Variants in CEP57L1 observed in about 807,000 individuals in gnomAD.
CEP57L1 encodes centrosomal protein CEP57L1.
Under a neutral mutation model 61.0 loss-of-function variants are expected in CEP57L1, and 37 were observed. The ratio of observed to expected loss-of-function variants is 0.61; its 90% CI spans 0.47 to 0.80. The LOEUF (loss-of-function observed/expected upper bound fraction) is 0.80, where lower values mean the gene tolerates loss of function less well. Among genes scored for constraint, CEP57L1 ranks in the 30% least tolerant of loss-of-function variants. The probability of loss-of-function intolerance (pLI) is 0.00; values close to 1 mark genes in which losing one functional copy is unlikely to be tolerated. For synonymous variants in CEP57L1, 137 were observed against 162.3 expected, an observed-to-expected ratio of 0.84 and a Z score of 1.19; for missense variants, 422 against 524.7, an observed-to-expected ratio of 0.80 and a Z score of 1.91.
At chr6:109,140,997 A>AT (rs1771307178) in intron 1 of CEP57L1, among the ~76,000 whole-genome samples, 1 of 150,550 alleles carries the variant, frequency 6.6e-6, no homozygotes, top group African/African-American at 2.4e-5. Flanking sequence ...CACCCGGCTA[A>AT]TTTTTTGTGT....
chr6:109,105,797 G>A (rs1770864896), intron 1 of CEP57L1, among the ~76,000 whole-genome samples: 1 of 152,136 alleles, frequency 6.6e-6, no homozygotes. Flanking sequence ...GGCCTGTTAA[G>A]AACGAGACCA....
In CEP57L1 at chr6:109,173,252, T is replaced by A. The variant is rs1490151620; in HGVS notation, c.*10282T>A. On this transcript the variant is annotated 3_prime_UTR_variant, in exon 11 of 11. Coordinates refer to ENST00000517392, the MANE Select transcript of CEP57L1 (RefSeq NM_001271852.3). ...GACACTGTATTACTTACAAGTTATA[T>A]TAATAATTTTTATTAATTTTTTTCC... 6.6e-6 allele frequency among the ~76,000 whole-genome samples: 1 copy of A among 152,122 alleles called. No homozygotes were observed. The highest frequency in any genetic ancestry group is 1.9e-4 in the East Asian group (1 of 5,198).
intron 1 of CEP57L1, among the ~76,000 whole-genome samples, chr6:109,130,325 CAT>C (rs1312750936): frequency 3.3e-5 from 5 of 152,064 alleles, no homozygotes; most frequent in African/African-American, 1.2e-4. Flanking sequence ...AGACAAACAT[CAT>C]ATGTTTGTCT....
At chr6:109,104,857 G>A (rs576303368) in intron 1 of CEP57L1, among the ~76,000 whole-genome samples, 2 of 152,256 alleles carry the variant, frequency 1.3e-5, no homozygotes, top group Admixed American at 6.5e-5. Flanking sequence ...AAAGTGCTAG[G>A]ATTACAGACA....
At chr6:109,146,690 T>C (rs957386716) in intron 2 of CEP57L1, 68 bp from the exon 3 acceptor site, 2 of 1,055,750 alleles carry the variant, frequency 1.9e-6, no homozygotes, top group African/African-American at 1.7e-5. Flanking sequence ...TTATTTTTCT[T>C]ATGTTACTTT....
rs1562139917 is a variant in CEP57L1, at chr6:109,155,804, TTGAAA to T, written c.673_677del (p.Glu225GlnfsTer2). The T allele has an allele frequency of 1.3e-6, 2 of 1,552,530 alleles. No homozygotes were observed. Among genetic ancestry groups the T allele is most frequent in the Non-Finnish European group, 1.8e-6 (2 of 1,130,772 alleles). On this transcript the variant is annotated frameshift_variant, in exon 7 of 11. Coordinates refer to ENST00000517392, the MANE Select transcript of CEP57L1 (RefSeq NM_001271852.3). LOFTEE classifies it high-confidence loss of function. ...TAAATATTACAGCTTCAAACTGGACTTGAAATCAGTAAAATTATAATGTCTTCAGT... is the reference window on the plus strand; with the variant it reads ...TAAATATTACAGCTTCAAACTGGACTTCAGTAAAATTATAATGTCTTCAGT...
rs1325690199 is a variant in CEP57L1 at position 109,170,951 on chromosome 6, TA to T, written c.*7987del. ...AAAGATATCTGCTTTTACTTTAATC[TA>T]AAAAATAATTGATTTTTTAAAAAAC... On this transcript the variant is annotated 3_prime_UTR_variant, in exon 11 of 11. Coordinates refer to ENST00000517392, the MANE Select transcript of CEP57L1 (RefSeq NM_001271852.3). Among the ~76,000 whole-genome samples the T allele has an allele frequency of 6.6e-6, 1 of 152,212 alleles. No individual in the cohort carries two copies. The highest frequency in any genetic ancestry group is 2.4e-5 in the African/African-American group (1 of 41,464).
intron 1 of CEP57L1, among the ~76,000 whole-genome samples, chr6:109,130,563 CT>C (rs1449342208): frequency 6.7e-6 from 1 of 148,368 alleles, no homozygotes; most frequent in African/African-American, 2.5e-5. Flanking sequence ...TGAGACCCTG[CT>C]TTCGGTTCTT....
At chr6:109,112,423 T>C (rs1771767185) in intron 1 of CEP57L1, among the ~76,000 whole-genome samples, 1 of 152,168 alleles carries the variant, frequency 6.6e-6, no homozygotes, top group African/African-American at 2.4e-5. Context: ...TTTTCTCCTT[T>C]ATTCGTGTAT....
chr6:109,163,314 C>G lies in CEP57L1; in HGVS notation c.*344C>G, dbSNP rs1353440417. The G allele has an allele frequency of 5.8e-6, 1 of 172,168 alleles. No homozygotes were observed. The highest frequency in any genetic ancestry group is 1.2e-5 in the Non-Finnish European group (1 of 80,984). The allele number at this position is 172,168 out of a possible 1,614,324, so 10.7% of individuals were successfully genotyped here. ...CAAGCTACAAGTACCATTCATTCCA[C>G]TTTTCATTTAGTAGGTTTGGAACCT... On this transcript the variant is annotated 3_prime_UTR_variant, in exon 11 of 11. Coordinates refer to ENST00000517392, the MANE Select transcript of CEP57L1 (RefSeq NM_001271852.3).
intron 1 of CEP57L1, among the ~76,000 whole-genome samples, chr6:109,117,358 G>C (rs1044582572): frequency 1.3e-5 from 2 of 152,112 alleles, no homozygotes; most frequent in Non-Finnish European, 2.9e-5. Context: ...TCTTTTGATG[G>C]TCTGTAATGT....
chr6:109,155,344 A>T, intron 6 of CEP57L1, 37 bp downstream of exon 6: 1 of 1,089,206 alleles, frequency 9.2e-7, no homozygotes, highest in Non-Finnish European at 1.3e-6. Flanking sequence ...ACAGTAAACC[A>T]TATATGTTTT....
At position 109,095,536 on chromosome 6, in the gene CEP57L1, C is replaced by T. The variant is rs918426922; in HGVS notation, c.-43C>T. 2.0e-6 allele frequency: 2 copies of T among 985,722 alleles called. No individual in the cohort carries two copies. The highest frequency in any genetic ancestry group is 1.1e-4 in the East Asian group (1 of 8,816). The allele number at this position is 985,722 out of a possible 1,614,324, so 61.1% of individuals were successfully genotyped here. ...TTGCCTGTGGGTGCCCGCGAACCAACGGTTAGCGGTGGCAGGGGCTGACTG... is the reference window on the plus strand; with the variant it reads ...TTGCCTGTGGGTGCCCGCGAACCAATGGTTAGCGGTGGCAGGGGCTGACTG... On this transcript the variant is annotated 5_prime_UTR_variant, in exon 1 of 11. It adds an upstream start codon to the 5' untranslated region. Transcript: ENST00000517392.
At chr6:109,109,418 A>G (rs1771315694) in intron 1 of CEP57L1, among the ~76,000 whole-genome samples, 1 of 152,182 alleles carries the variant, frequency 6.6e-6, no homozygotes, top group South Asian at 2.1e-4. Context: ...TTTAGGGAGT[A>G]ATTTCAATTA....
chr6:109,131,621 G>A (rs921539492), intron 1 of CEP57L1, among the ~76,000 whole-genome samples: 2 of 151,180 alleles, frequency 1.3e-5, no homozygotes, highest in African/African-American at 4.9e-5. Context: ...CAATATGGCA[G>A]ACTAGATGTT....
intron 1 of CEP57L1, among the ~76,000 whole-genome samples, chr6:109,143,588 TTAAA>T (rs961666197): frequency 6.6e-6 from 1 of 152,290 alleles, no homozygotes; most frequent in Admixed American, 6.5e-5. Context: ...CACATTTAAT[TTAAA>T]TAAACTGTAG....
chr6:109,129,235 A>G lies in CEP57L1; in HGVS notation c.-3-15984A>G, dbSNP rs1048072112. 11 of 554,768 alleles carry G rather than the reference A, an allele frequency of 2.0e-5. No homozygotes were observed. The African/African-American group carries it at 2.2e-4, about 11-fold the overall frequency. The allele number at this position is 554,768 out of a possible 1,614,324, so 34.4% of individuals were successfully genotyped here. A position where few individuals can be genotyped will look rare whatever the true frequency, so the allele number is the denominator to read the frequency against. On this transcript the variant is annotated intron_variant, in intron 1 of 10. Coordinates refer to ENST00000517392, the MANE Select transcript of CEP57L1 (RefSeq NM_001271852.3). ...CCAAAAAAACTAACTGGAAACTCCAAATCTATCCAATCAATTCATTTTATC... is the reference window on the plus strand; with the variant it reads ...CCAAAAAAACTAACTGGAAACTCCAGATCTATCCAATCAATTCATTTTATC...
At position 109,162,776 on chromosome 6, in the gene CEP57L1, A is replaced by G. The variant is rs1257700828; in HGVS notation, c.1189A>G (p.Asn397Asp). The change falls in exon 11 of 11, where the codon AAC becomes GAC. Residue 397 changes from asparagine to aspartate, a missense_variant. Coordinates refer to ENST00000517392, the MANE Select transcript of CEP57L1 (RefSeq NM_001271852.3). Reference sequence around the variant, plus strand: ...CTGTAAACTGCAGCAAAAAGTTCAAAACTCAAAGATGAGTGAAGCTTCAGG... The same window carrying G: ...CTGTAAACTGCAGCAAAAAGTTCAAGACTCAAAGATGAGTGAAGCTTCAGG... Reference protein sequence around the residue: ...SVCKLQQKVQNSKMSEASGIQ... With the variant: ...SVCKLQQKVQDSKMSEASGIQ... The G allele has an allele frequency of 1.2e-6, 2 of 1,612,998 alleles. No homozygotes were observed. Among genetic ancestry groups the G allele is most frequent in the African/African-American group, 2.7e-5 (2 of 74,864 alleles).
At chr6:109,136,577 A>G (rs907720905) in intron 1 of CEP57L1, among the ~76,000 whole-genome samples, 6 of 150,474 alleles carry the variant, frequency 4.0e-5, no homozygotes, top group African/African-American at 1.5e-4. Flanking sequence ...AAAAAAAAAA[A>G]GATACCATTT....
Sources: gnomAD v4.1 joint callset for allele counts (sites outside exome capture counted in the v4.1 genomes callset) on GRCh38, gnomAD v4.1.1 for gene constraint, MANE v1.5 for transcripts, NCBI Gene and HGNC (gene_info 2026-07-23, HGNC 2026-07-21) for gene names.